RGS6: variants seen among roughly 807,000 people sequenced by gnomAD.
RGS6 encodes the protein regulator of G protein signaling 6, also known as regulator of G-protein signaling 6.
RGS6 carries 30 observed loss-of-function variants against 78.5 expected under a neutral mutation model. The observed-to-expected ratio is 0.38, with a 90% CI of 0.29 to 0.52. The LOEUF (loss-of-function observed/expected upper bound fraction) is 0.52, where lower values mean the gene tolerates loss of function less well. Ranked by LOEUF, RGS6 falls within the 20% of genes least tolerant of loss-of-function variation. RGS6 has a pLI of 0.85. For synonymous variants in RGS6, 206 were observed against 206.0 expected, an observed-to-expected ratio of 1.00 and a Z score of 0.00; for missense variants, 495 against 609.7, an observed-to-expected ratio of 0.81 and a Z score of 1.98.
chr14:71,936,041 T>TATATATATATATATATATATATAC (rs1555390355), intron 1 of RGS6, among the ~76,000 whole-genome samples: 1 of 127,710 alleles, frequency 7.8e-6, no homozygotes, highest in African/African-American at 2.8e-5. Flanking sequence ...TATATATATA[T>TATATATATATATATATATATATAC]GTACATATAT....
chr14:72,577,112 C>T, the RGS6 span, among the ~76,000 whole-genome samples: 4 of 152,314 alleles, frequency 2.6e-5, no homozygotes, highest in East Asian at 7.7e-4. Flanking sequence ...CAACAGGGGG[C>T]TGTAACAGGC....
intron 2 of RGS6, among the ~76,000 whole-genome samples, chr14:71,973,555 C>T (rs2093938887): frequency 6.6e-6 from 1 of 152,112 alleles, no homozygotes; most frequent in Non-Finnish European, 1.5e-5. Flanking sequence ...CATGGTGGCA[C>T]ACGCCTGTAA....
chr14:72,042,915 C>T (rs2092545451), intron 2 of RGS6, among the ~76,000 whole-genome samples: 1 of 152,154 alleles, frequency 6.6e-6, no homozygotes, highest in African/African-American at 2.4e-5. Flanking sequence ...ACTTTTTCTA[C>T]CTTTGCCAGT....
chr14:72,069,508 AT>A (rs1285430252), intron 2 of RGS6, among the ~76,000 whole-genome samples: 1 of 151,928 alleles, frequency 6.6e-6, no homozygotes, highest in African/African-American at 2.4e-5. Context: ...TGTTTATTCT[AT>A]TTTTAAAAAT....
At chr14:72,208,383 C>T (rs1476109563) in intron 2 of RGS6, among the ~76,000 whole-genome samples, 1 of 152,188 alleles carries the variant, frequency 6.6e-6, no homozygotes, top group Admixed American at 6.5e-5. Context: ...ACCAGCTCTT[C>T]CTCCAATTCC....
chr14:72,346,632 G>A (rs2078116206), intron 2 of RGS6, among the ~76,000 whole-genome samples: 1 of 152,200 alleles, frequency 6.6e-6, no homozygotes, highest in African/African-American at 2.4e-5. Context: ...GAAGTCTCCA[G>A]TTTCAGAATG....
chr14:72,510,827 G>T (rs770217223), intron 14 of RGS6, among the ~76,000 whole-genome samples: 1 of 152,152 alleles, frequency 6.6e-6, no homozygotes, highest in East Asian at 1.9e-4. Context: ...GACTTCTGTC[G>T]ACTCCAAATA....
At chr14:72,355,118 T>A (rs1420298101) in intron 3 of RGS6, among the ~76,000 whole-genome samples, 1 of 152,064 alleles carries the variant, frequency 6.6e-6, no homozygotes, top group South Asian at 2.1e-4. Context: ...CTGCTTTTCT[T>A]TGAAAAATAA....
At chr14:72,225,040 A>C (rs1369380178) in intron 2 of RGS6, among the ~76,000 whole-genome samples, 1 of 152,226 alleles carries the variant, frequency 6.6e-6, no homozygotes, top group Non-Finnish European at 1.5e-5. Context: ...TGGCAAGCCT[A>C]GATGCCCCAT....
chr14:71,970,775 A>G (rs4902962), intron 2 of RGS6, among the ~76,000 whole-genome samples: 143,090 of 152,258 alleles, frequency 0.94, 67,335 homozygotes, highest in East Asian at 0.99. Flanking sequence ...GCTGGGGGTA[A>G]ATGGGGAACT....
intron 2 of RGS6, among the ~76,000 whole-genome samples, chr14:72,133,984 T>A (rs1464386638): frequency 3.3e-5 from 5 of 152,186 alleles, no homozygotes; most frequent in African/African-American, 1.2e-4. Flanking sequence ...AGACATAGCA[T>A]CTTTCTCAAC....
chr14:72,030,820 G>A (rs559570239), intron 2 of RGS6, among the ~76,000 whole-genome samples: 1 of 152,150 alleles, frequency 6.6e-6, no homozygotes, highest in African/African-American at 2.4e-5. Flanking sequence ...CAAAAGTAAA[G>A]TCATTTTTTC....
rs576001760 is a variant in RGS6, at chr14:72,233,545, C to T, written c.85-118550C>T. The stretch of plus-strand genomic sequence containing the variant: ...CACAGCCTCTGCATATGAAATGTCA[C>T]TTACATTTAAACCCACATCAAAGGT... On this transcript the variant is annotated intron_variant, in intron 2 of 17. Coordinates refer to ENST00000553525, the MANE Select transcript of RGS6 (RefSeq NM_001204424.2). 7.2e-5 allele frequency among the ~76,000 whole-genome samples: 11 copies of T among 152,320 alleles called. No homozygotes were observed. The East Asian group carries it at 1.9e-3, about 27-fold the overall frequency.
the RGS6 span, among the ~76,000 whole-genome samples, chr14:72,620,500 C>T: frequency 5.3e-5 from 8 of 152,206 alleles, no homozygotes; most frequent in East Asian, 1.9e-4. Context: ...CGCCATCCCT[C>T]GGCTTCCAGA....
chr14:72,425,615 A>G (rs1190644924), intron 3 of RGS6, among the ~76,000 whole-genome samples: 2 of 152,212 alleles, frequency 1.3e-5, no homozygotes, highest in African/African-American at 4.8e-5. Flanking sequence ...ATTTTCCTAA[A>G]TGGGGTATCA....
chr14:72,089,498 A>G (rs72719810), intron 2 of RGS6, among the ~76,000 whole-genome samples: 11,764 of 152,286 alleles, frequency 0.077, 508 homozygotes, highest in Admixed American at 0.11. Flanking sequence ...TAATTAGTCT[A>G]CAATGTATCT....
At chr14:72,150,350 T>C (rs1001691786) in intron 2 of RGS6, among the ~76,000 whole-genome samples, 1 of 152,102 alleles carries the variant, frequency 6.6e-6, no homozygotes, top group African/African-American at 2.4e-5. Flanking sequence ...GTCAACACCT[T>C]GATTCCAGAC....
At chr14:72,055,338 A>C (rs755974048) in intron 2 of RGS6, among the ~76,000 whole-genome samples, 1 of 151,932 alleles carries the variant, frequency 6.6e-6, no homozygotes, top group African/African-American at 2.4e-5. Flanking sequence ...TTTTGTGTTT[A>C]TAAATCTACT....
At chr14:72,152,241 AG>A (rs2096703267) in intron 2 of RGS6, among the ~76,000 whole-genome samples, 3 of 118,770 alleles carry the variant, frequency 2.5e-5, no homozygotes, top group African/African-American at 8.5e-5. Flanking sequence ...AGAGAGAGAG[AG>A]AGAGTGTGTG....
Sources: allele counts gnomAD v4.1 joint callset (sites outside exome capture counted in the v4.1 genomes callset), GRCh38; gene constraint gnomAD v4.1.1; transcripts MANE v1.5; gene names NCBI Gene and HGNC (gene_info 2026-07-23, HGNC 2026-07-21).